The following RBL1 variants were observed in gnomAD, a reference collection of about 807,000 sequenced individuals.
RBL1 encodes RB transcriptional corepressor like 1.
RBL1 carries 82 observed loss-of-function variants against 123.0 expected under a neutral mutation model. The observed-to-expected ratio is 0.67, with a 90% confidence interval of 0.56 to 0.80. RBL1 has a LOEUF of 0.80. Among genes scored for constraint, RBL1 ranks in the 30% least tolerant of loss-of-function variants. The pLI, the probability that RBL1 is intolerant of heterozygous loss-of-function variation, is 0.00. For synonymous variants in RBL1, 405 were observed against 441.3 expected (o/e 0.92, Z 1.03); for missense variants, 1,171 against 1,299.6 (o/e 0.90, Z 1.52).
intron 21 of RBL1, among the ~76,000 whole-genome samples, chr20:36,999,956 G>C (rs894759860): frequency 2.1e-5 from 3 of 141,934 alleles, no homozygotes; most frequent in Non-Finnish European, 3.1e-5. Context: ...GCCGCCCATC[G>C]TCTGGGATGT....
Position 37,048,728 on chromosome 20 carries a change from T to C in RBL1, c.1468-1538A>G, listed in dbSNP as rs80330647. Among the ~76,000 whole-genome samples, 55 of 152,116 alleles carry C rather than the reference T, an allele frequency of 3.6e-4. No individual in the cohort carries two copies. In the East Asian group the frequency reaches 0.01, roughly 28 times the overall value. On this transcript the variant is annotated intron_variant, in intron 11 of 21. Transcript: ENST00000373664. ...TTTAAGTGGACCACTAAGAATTATC[T>C]GACATTTGAGGAAAACCTCTTACCT...
chr20:37,052,456 C>T (rs188785380), intron 11 of RBL1, among the ~76,000 whole-genome samples: 320 of 152,112 alleles, frequency 2.1e-3, no homozygotes, highest in African/African-American at 7.3e-3. Context: ...TTCAGCCTCC[C>T]GAGTAGCTGG....
intron 2 of RBL1, among the ~76,000 whole-genome samples, chr20:37,086,465 G>A (rs1486874292): frequency 6.6e-6 from 1 of 152,032 alleles, no homozygotes; most frequent in Non-Finnish European, 1.5e-5. Flanking sequence ...GCGGGCGCCT[G>A]TAATCCCAGC....
intron 2 of RBL1, among the ~76,000 whole-genome samples, chr20:37,077,479 C>T (rs768615914): frequency 6.6e-6 from 1 of 152,098 alleles, no homozygotes; most frequent in Non-Finnish European, 1.5e-5. Flanking sequence ...AGACTGACCT[C>T]CCTTGAGTAA....
At position 37,062,244 on chromosome 20, in the gene RBL1, T is replaced by G; in HGVS notation, c.923A>C (p.Glu308Ala). 1.2e-6 allele frequency: 2 copies of G among 1,614,170 alleles called. No individual in the cohort carries two copies. The highest frequency in any genetic ancestry group is 2.2e-5 in the East Asian group (1 of 44,874). ...NSKAVNKEYE[E>A]YVLTVGDFDE... is the part of the protein sequence containing the mutation. ...AAAATCACCAACAGTTAGAACATAC[T>G]CTTCATACTCCTTATTCACTGCTTT... Residue 308 changes from glutamate (E) to alanine (A), a missense_variant, in exon 8 of 22, where the codon GAG becomes GCG. By Grantham distance (107) the Glu-to-Ala change is moderately radical. Coordinates refer to ENST00000373664, the MANE Select transcript of RBL1 (RefSeq NM_002895.5).
chr20:37,067,789 A>AAAC (rs1568875781), intron 3 of RBL1, among the ~76,000 whole-genome samples, 197 bp downstream of exon 3: 21 of 150,834 alleles, frequency 1.4e-4, no homozygotes, highest in African/African-American at 4.9e-4. Flanking sequence ...AAAAAAAAAA[A>AAAC]AACAACAACA....
intron 13 of RBL1, among the ~76,000 whole-genome samples, chr20:37,042,222 G>A (rs1038185265): frequency 6.6e-5 from 10 of 152,104 alleles, no homozygotes; most frequent in African/African-American, 2.2e-4. Flanking sequence ...ATTACAAAAT[G>A]GGCAAAAGAT....
intron 19 of RBL1, among the ~76,000 whole-genome samples, chr20:37,009,951 G>C (rs1002206762): frequency 6.6e-6 from 1 of 151,892 alleles, no homozygotes; most frequent in Non-Finnish European, 1.5e-5. Context: ...CTTGAACCCA[G>C]GAAATCAAGG....
At chr20:37,049,408 A>T (rs1244004965) in intron 11 of RBL1, 2 of 738,602 alleles carry the variant, frequency 2.7e-6, no homozygotes, top group Admixed American at 1.8e-5. Flanking sequence ...CAACTGGAAG[A>T]TGTCTGACTA....
In RBL1 at chr20:37,061,159, C is replaced by G; in HGVS notation, c.1194G>C (p.Gln398His). 1 of 1,613,916 alleles carries G rather than the reference C, an allele frequency of 6.2e-7. No individual in the cohort carries two copies. ...CATTTTTCAGACCAGCCACAATACT[C>G]TGTAACCGGCTCACACTTTGGGTGG... ...ASATQSVSRL[Q>H]SIVAGLKNAP... Residue 398 changes from glutamine to histidine, a missense_variant, in exon 9 of 22, where the codon CAG becomes CAC. Coordinates refer to ENST00000373664, the MANE Select transcript of RBL1 (RefSeq NM_002895.5).
At chr20:37,060,018 C>T (rs950258797) in intron 9 of RBL1, among the ~76,000 whole-genome samples, 1 of 151,644 alleles carries the variant, frequency 6.6e-6, no homozygotes, top group South Asian at 2.1e-4. Context: ...ACTAAAAATA[C>T]AAAATTAGCT....
At chr20:37,028,342 TAGAC>T (rs935461356) in intron 16 of RBL1, among the ~76,000 whole-genome samples, 3 of 151,966 alleles carry the variant, frequency 2.0e-5, no homozygotes, top group Non-Finnish European at 4.4e-5. Flanking sequence ...TCCAGCTTGG[TAGAC>T]AGAGTAAGAC....
intron 16 of RBL1, among the ~76,000 whole-genome samples, chr20:37,024,410 A>G (rs1326665358): frequency 6.6e-6 from 1 of 152,192 alleles, no homozygotes; most frequent in Admixed American, 6.5e-5. Context: ...ATTAAAAATA[A>G]TATGTAGTTA....
rs1039603963 is a variant in RBL1 at position 36,996,992 on chromosome 20, G to A, written c.*1767C>T. 2.0e-5 allele frequency: 3 copies of A among 151,934 alleles called. No homozygotes were observed. Among genetic ancestry groups the A allele is most frequent in the African/African-American group, 7.3e-5 (3 of 41,352 alleles). The allele number at this position is 151,934 out of a possible 1,614,324, so 9.4% of individuals were successfully genotyped here. ...ATTCTTGAGAATACTAATTAGTGAC[G>A]GCCAAATCTTAGACTATTTTAAATT... On this transcript the variant is annotated 3_prime_UTR_variant, in exon 22 of 22. Transcript: ENST00000373664.
At chr20:37,075,267 C>T (rs1042829571) in intron 2 of RBL1, among the ~76,000 whole-genome samples, 18 of 151,976 alleles carry the variant, frequency 1.2e-4, no homozygotes, top group Non-Finnish European at 7.4e-5. Flanking sequence ...TGGAAATGTC[C>T]TAAAATGGAT....
chr20:37,010,114 T>C (rs1234963116), intron 19 of RBL1, among the ~76,000 whole-genome samples: 1 of 151,878 alleles, frequency 6.6e-6, no homozygotes, highest in Non-Finnish European at 1.5e-5. Context: ...TTCCAGCACT[T>C]TGGGAGGCTG....
chr20:37,016,976 AGGAGAGGAGAGG>A (rs1490602883), intron 19 of RBL1, among the ~76,000 whole-genome samples: 9 of 150,978 alleles, frequency 6.0e-5, no homozygotes, highest in African/African-American at 9.7e-5. Flanking sequence ...AGGAAAGGAG[AGGAGAGGAGAGG>A]GGAGAGGAGA....
At chr20:37,069,356 C>T (rs1197038301) in intron 2 of RBL1, among the ~76,000 whole-genome samples, 5 of 149,286 alleles carry the variant, frequency 3.3e-5, no homozygotes, top group African/African-American at 1.2e-4. Flanking sequence ...AAGTGAGGAG[C>T]GTCTCCGCCC....
chr20:37,057,651 TG>T (rs1186165547), intron 9 of RBL1, among the ~76,000 whole-genome samples: 1 of 152,158 alleles, frequency 6.6e-6, no homozygotes, highest in Non-Finnish European at 1.5e-5. Flanking sequence ...TTCTATAGGT[TG>T]TTTTTTTTAC....
Sources: gnomAD v4.1 joint callset for allele counts (sites outside exome capture counted in the v4.1 genomes callset) on GRCh38, gnomAD v4.1.1 for gene constraint, MANE v1.5 for transcripts, NCBI Gene and HGNC (gene_info 2026-07-23, HGNC 2026-07-21) for gene names.